AQP9: variants seen among roughly 807,000 people sequenced by gnomAD.
AQP9 encodes aquaporin 9.
A neutral mutation model predicts 23.8 loss-of-function variants in AQP9; 19 were observed. That is an observed-to-expected ratio of 0.80 (90% CI 0.56 to 1.17). The LOEUF is 1.17. Among genes scored for constraint, AQP9 ranks in the 50% most tolerant of loss-of-function variants. The pLI is 0.00. For missense variants in AQP9, 413 were observed against 362.0 expected, an observed-to-expected ratio of 1.14 and a Z score of -1.14; for synonymous variants, 153 against 131.5, an observed-to-expected ratio of 1.16 and a Z score of -1.12.
intron 1 of AQP9, chr15:58,151,577 C>G (rs1490802016): frequency 6.6e-6 from 1 of 151,862 alleles, no homozygotes; most frequent in African/African-American, 2.4e-5. Context: ...CAATGAGTCA[C>G]CCCCACAGAA....
At chr15:58,167,235 A>T (rs547695217) in intron 2 of AQP9, among the ~76,000 whole-genome samples, 1 of 152,346 alleles carries the variant, frequency 6.6e-6, no homozygotes, top group South Asian at 2.1e-4. Flanking sequence ...TGGTGCTTTC[A>T]TGGACGTGCA....
chr15:58,145,712 T>C (rs1595727168), intron 1 of AQP9, among the ~76,000 whole-genome samples: 1 of 152,296 alleles, frequency 6.6e-6, no homozygotes, highest in East Asian at 1.9e-4. Flanking sequence ...TGCATTCCTA[T>C]CATTTACTGG....
intron 1 of AQP9, among the ~76,000 whole-genome samples, chr15:58,147,760 C>G (rs1246627985): frequency 6.6e-6 from 1 of 152,118 alleles, no homozygotes; most frequent in Non-Finnish European, 1.5e-5. Flanking sequence ...GGGGGTGCAT[C>G]TATGCAAGAC....
intron 5 of AQP9, 56 bp from the exon 6 acceptor site, chr15:58,183,905 A>C: frequency 6.3e-7 from 1 of 1,577,722 alleles, no homozygotes; most frequent in South Asian, 1.1e-5. Context: ...AAAACTAGAC[A>C]GTAATACCAG....
chr15:58,159,618 T>A (rs1199396465), intron 1 of AQP9, among the ~76,000 whole-genome samples: 1 of 152,186 alleles, frequency 6.6e-6, no homozygotes, highest in African/African-American at 2.4e-5. Context: ...ATTTCTTCTA[T>A]CAAACTGTAT....
At position 58,174,945 on chromosome 15, in the gene AQP9, A is replaced by G; in HGVS notation, c.404A>G (p.Lys135Arg). 1 of 1,614,188 alleles carries G rather than the reference A, an allele frequency of 6.2e-7. No individual in the cohort carries two copies. The highest frequency in any genetic ancestry group is 8.5e-7 in the Non-Finnish European group (1 of 1,179,996). The change falls in exon 4 of 6, where the codon AAA becomes AGA. Residue 135 changes from lysine (K) to arginine (R), a missense_variant. Lys to Arg is a conservative substitution (Grantham distance 26). Transcript: ENST00000219919. ...YDGLMSFAGG[K>R]LLIVGENATA... Reference sequence around the variant, plus strand: ...GGACTTATGTCCTTTGCTGGTGGAAAACTGCTGATCGTGGGAGAAAATGCA... The same window carrying G: ...GGACTTATGTCCTTTGCTGGTGGAAGACTGCTGATCGTGGGAGAAAATGCA...
At chr15:58,140,103 G>A (rs1897926615) in intron 1 of AQP9, among the ~76,000 whole-genome samples, 1 of 151,916 alleles carries the variant, frequency 6.6e-6, no homozygotes, top group Admixed American at 6.6e-5. Flanking sequence ...AGTGATTACA[G>A]CCTCACAGTG....
At chr15:58,183,850 G>T in intron 5 of AQP9, 111 bp from the exon 6 acceptor site, 1 of 1,279,896 alleles carries the variant, frequency 7.8e-7, no homozygotes, top group Non-Finnish European at 1.1e-6. Context: ...CTCTTGCTGA[G>T]TTAAGAGGGA....
rs760011140 is a variant in AQP9 at position 58,173,061 on chromosome 15, C to G, written c.239-7C>G. 1 of 1,613,796 alleles carries G rather than the reference C, an allele frequency of 6.2e-7. No individual in the cohort carries two copies. Among genetic ancestry groups the G allele is most frequent in the Non-Finnish European group, 8.5e-7 (1 of 1,179,704 alleles). ...TGCCCTCTCACTTCTCCAATCTTCC[C>G]TTGCAGGTGGTCACATCAACCCAGC... On this transcript the variant is annotated splice_region_variant and splice_polypyrimidine_tract_variant and intron_variant, in intron 2 of 5. Transcript: ENST00000219919.
intron 1 of AQP9, among the ~76,000 whole-genome samples, chr15:58,145,110 T>C (rs1260233285): frequency 3.3e-5 from 5 of 152,162 alleles, no homozygotes; most frequent in African/African-American, 1.2e-4. Flanking sequence ...GTTTTCCATT[T>C]CAGTAATTTC....
chr15:58,175,228 T>A (rs1190363376), intron 4 of AQP9, among the ~76,000 whole-genome samples, 192 bp downstream of exon 4: 1 of 152,230 alleles, frequency 6.6e-6, no homozygotes, highest in African/African-American at 2.4e-5. Flanking sequence ...AGAAAAGTTT[T>A]CTCCTTCCTC....
chr15:58,166,854 G>C, intron 2 of AQP9, 55 bp downstream of exon 2: 2 of 1,594,992 alleles, frequency 1.3e-6, no homozygotes, highest in South Asian at 1.1e-5. Context: ...CAATGTGCCC[G>C]CACAGTGCTG....
At chr15:58,179,706 C>G (rs1325274469) in intron 5 of AQP9, among the ~76,000 whole-genome samples, 1 of 152,190 alleles carries the variant, frequency 6.6e-6, no homozygotes, top group Non-Finnish European at 1.5e-5. Flanking sequence ...CTACAATTTG[C>G]ATCCTATGAT....
chr15:58,158,416 A>G (rs1898307602), intron 1 of AQP9, among the ~76,000 whole-genome samples: 6 of 152,174 alleles, frequency 3.9e-5, no homozygotes, highest in Admixed American at 2.6e-4. Context: ...CTCAGCCTCA[A>G]TTTGCTCATC....
At chr15:58,179,509 A>ATGTGTGTGTGTGTGTGTGTGTGTG (rs3052103) in intron 5 of AQP9, among the ~76,000 whole-genome samples, 164 bp downstream of exon 5, 3 of 148,748 alleles carry the variant, frequency 2.0e-5, no homozygotes, top group African/African-American at 7.5e-5. Context: ...TTGTGGTATG[A>ATGTGTGTGTGTGTGTGTGTGTGTG]TGTGTGTGTG....
chr15:58,146,280 T>C (rs1211696889), intron 1 of AQP9, among the ~76,000 whole-genome samples: 1 of 152,136 alleles, frequency 6.6e-6, no homozygotes, highest in Non-Finnish European at 1.5e-5. Flanking sequence ...ACCATTTTTT[T>C]CATATTTCTT....
chr15:58,157,693 A>G (rs998937654), intron 1 of AQP9, among the ~76,000 whole-genome samples: 4 of 152,186 alleles, frequency 2.6e-5, no homozygotes, highest in Admixed American at 1.3e-4. Context: ...AGAGAGAACA[A>G]GAGAGGAAAG....
In AQP9 at chr15:58,138,624, G is replaced by A. The variant is rs1897898565; in HGVS notation, c.59G>A (p.Ser20Asn). The A allele has an allele frequency of 6.2e-7, 1 of 1,613,916 alleles. No individual in the cohort carries two copies. The highest frequency in any genetic ancestry group is 8.5e-7 in the Non-Finnish European group (1 of 1,179,830). The change falls in exon 1 of 6, where the codon AGC (serine) becomes AAC (asparagine). Residue 20 changes from serine (S) to asparagine (N), a missense_variant. Coordinates refer to ENST00000219919, the MANE Select transcript of AQP9 (RefSeq NM_020980.5). ...KSFKQRLVLK[S>N]SLAKETLSEF... ...TTCAAGCAGAGACTGGTCTTGAAGA[G>A]CAGCTTAGCGAAAGAAACCCTCTCT... is the stretch of plus-strand genomic sequence containing the variant.
In AQP9 at chr15:58,179,020, T is replaced by C. The variant is rs1454357245; in HGVS notation, c.496-108T>C. ...ATTACTAGGCATATTGTAATATAAG[T>C]AAAATAGTAATATTGTAATATTGTA... On this transcript the variant is annotated intron_variant, in intron 4 of 5. Coordinates refer to ENST00000219919, the MANE Select transcript of AQP9 (RefSeq NM_020980.5). 31 of 761,178 alleles carry C rather than the reference T, an allele frequency of 4.1e-5. No individual in the cohort carries two copies. In the East Asian group the frequency reaches 8.4e-4, roughly 21 times the overall value. The allele number at this position is 761,178 out of a possible 1,614,324, so 47.2% of individuals were successfully genotyped here.
Sources: allele counts gnomAD v4.1 joint callset (sites outside exome capture counted in the v4.1 genomes callset), GRCh38; gene constraint gnomAD v4.1.1; transcripts MANE v1.5; gene names NCBI Gene and HGNC (gene_info 2026-07-23, HGNC 2026-07-21).